Variants in SORCS1 observed in about 807,000 individuals in gnomAD.
SORCS1 encodes the protein VPS10 domain-containing receptor SorCS1.
In SORCS1, 60 loss-of-function variants were observed where a neutral mutation model predicts 146.1. The ratio of observed to expected loss-of-function variants is 0.41; its 90% CI spans 0.33 to 0.51. The LOEUF (loss-of-function observed/expected upper bound fraction) is 0.51, where lower values mean the gene tolerates loss of function less well. Ranked by LOEUF, SORCS1 falls within the 20% of genes least tolerant of loss-of-function variation. The pLI, the probability that SORCS1 is intolerant of heterozygous loss-of-function variation, is 0.21. For missense variants in SORCS1, 1,352 were observed against 1,487.6 expected (o/e 0.91, Z 1.50); for synonymous variants, 637 against 584.0 (o/e 1.09, Z -1.31).
chr10:106,997,431 C>T (rs912012929), intron 1 of SORCS1, among the ~76,000 whole-genome samples: 1 of 152,216 alleles, frequency 6.6e-6, no homozygotes, highest in African/African-American at 2.4e-5. Context: ...TCTTTGACAA[C>T]ATCTGGACTA....
intron 1 of SORCS1, among the ~76,000 whole-genome samples, chr10:107,066,815 T>C (rs1961912733): frequency 6.6e-6 from 1 of 152,290 alleles, no homozygotes; most frequent in South Asian, 2.1e-4. Context: ...AAAGGAGAAT[T>C]GACACTGTTG....
chr10:106,858,952 C>G (rs1213784297), intron 2 of SORCS1, among the ~76,000 whole-genome samples: 1 of 152,100 alleles, frequency 6.6e-6, no homozygotes, highest in Non-Finnish European at 1.5e-5. Flanking sequence ...ACTGCCATTC[C>G]TAGGGCAGGC....
At chr10:107,147,598 A>G (rs1196748929) in intron 1 of SORCS1, among the ~76,000 whole-genome samples, 2 of 152,196 alleles carry the variant, frequency 1.3e-5, no homozygotes, top group Admixed American at 1.3e-4. Context: ...CAACTCAGAC[A>G]GATTATACTT....
chr10:106,781,632 T>C (rs2152679), intron 3 of SORCS1, among the ~76,000 whole-genome samples: 7,152 of 152,248 alleles, frequency 0.047, 269 homozygotes, highest in East Asian at 0.11. Context: ...AAACCTCTGA[T>C]CTCAAAATTA....
Position 106,963,110 on chromosome 10 carries a change from A to ATTTTTTTTTTTTTTTT in SORCS1, c.559-6546_559-6531dup, listed in dbSNP as rs749174613. Among the ~76,000 whole-genome samples, 222 of 76,300 alleles carry ATTTTTTTTTTTTTTTT rather than the reference A, an allele frequency of 2.9e-3. 30 individuals are homozygous for ATTTTTTTTTTTTTTTT. Among genetic ancestry groups the ATTTTTTTTTTTTTTTT allele is most frequent in the East Asian group, 4.8e-3 (11 of 2,282 alleles). The allele number at this position is 76,300 out of a possible 152,430, so 50.1% of individuals were successfully genotyped here. ...AAGAGAGCAGTGTTCAATGGCCAGA[A>ATTTTTTTTTTTTTTTT]TTTTTTTTTTTTTTTTTTTTTTTTT... On this transcript the variant is annotated intron_variant, in intron 1 of 25. Coordinates refer to ENST00000263054, the MANE Select transcript of SORCS1 (RefSeq NM_052918.5).
chr10:107,070,325 G>A (rs1230484602), intron 1 of SORCS1, among the ~76,000 whole-genome samples: 2 of 152,096 alleles, frequency 1.3e-5, no homozygotes, highest in Non-Finnish European at 2.9e-5. Flanking sequence ...ATAGCTAGGA[G>A]TAAAATTATT....
intron 4 of SORCS1, among the ~76,000 whole-genome samples, chr10:106,774,078 A>T (rs532565864): frequency 2.9e-4 from 44 of 152,276 alleles, no homozygotes; most frequent in Admixed American, 2.6e-3. Flanking sequence ...AGATATTTAG[A>T]TCCTTGGCCT....
At chr10:106,963,548 A>G (rs1052906217) in intron 1 of SORCS1, among the ~76,000 whole-genome samples, 52 of 152,242 alleles carry the variant, frequency 3.4e-4, no homozygotes, top group African/African-American at 1.3e-3. Context: ...TGACTTTCCA[A>G]CTTAAACAGA....
chr10:107,098,990 C>G (rs1299136570), intron 1 of SORCS1, among the ~76,000 whole-genome samples: 1 of 152,328 alleles, frequency 6.6e-6, no homozygotes, highest in East Asian at 1.9e-4. Flanking sequence ...GCGTACAGTA[C>G]TGAATTAGTC....
chr10:106,744,299 G>A (rs747248455), intron 5 of SORCS1, among the ~76,000 whole-genome samples: 11 of 152,084 alleles, frequency 7.2e-5, no homozygotes, highest in Non-Finnish European at 1.3e-4. Flanking sequence ...TAGAGACGGG[G>A]TTTCACCGTG....
chr10:106,637,518 C>T (rs1848798518), intron 18 of SORCS1, among the ~76,000 whole-genome samples: 1 of 152,170 alleles, frequency 6.6e-6, no homozygotes, highest in Non-Finnish European at 1.5e-5. Flanking sequence ...GTGCAGACCT[C>T]CTGAGCTTCT....
chr10:106,692,804 G>A (rs991043362), intron 9 of SORCS1, among the ~76,000 whole-genome samples: 3 of 151,976 alleles, frequency 2.0e-5, no homozygotes, highest in African/African-American at 7.3e-5. Context: ...TATGTGATGG[G>A]TCACAGTCAA....
In SORCS1 at chr10:106,798,901, T is replaced by A. The variant is rs1398636089; in HGVS notation, c.727-22209A>T. On this transcript the variant is annotated intron_variant, in intron 3 of 25. Transcript: ENST00000263054. ...CTACTTTGAAGTTCATATGGAACCA[T>A]AAAAGAGCCCGCATTGCCAAGACAA... Among the ~76,000 whole-genome samples, 14 of 152,126 alleles carry A rather than the reference T, an allele frequency of 9.2e-5. No homozygotes were observed. In the East Asian group the frequency reaches 2.1e-3, roughly 23 times the overall value.
intron 2 of SORCS1, among the ~76,000 whole-genome samples, chr10:106,898,581 G>C (rs1951579037): frequency 6.6e-6 from 1 of 152,180 alleles, no homozygotes; most frequent in Admixed American, 6.5e-5. Context: ...TTTGCGTAGG[G>C]GGTCAGGGGT....
chr10:106,640,669 C>A (rs1443007028), intron 18 of SORCS1, among the ~76,000 whole-genome samples: 3 of 152,198 alleles, frequency 2.0e-5, no homozygotes, highest in Non-Finnish European at 4.4e-5. Flanking sequence ...CCTTCAGGTT[C>A]TTGCATTGGA....
At chr10:106,855,507 T>G (rs1176099273) in intron 2 of SORCS1, among the ~76,000 whole-genome samples, 1 of 152,180 alleles carries the variant, frequency 6.6e-6, no homozygotes, top group Non-Finnish European at 1.5e-5. Context: ...TCCCTTCTGT[T>G]ATTCCCACTA....
intron 1 of SORCS1, among the ~76,000 whole-genome samples, chr10:107,092,598 C>G (rs375637833): frequency 6.6e-6 from 1 of 152,138 alleles, no homozygotes; most frequent in African/African-American, 2.4e-5. Flanking sequence ...ACTGAGCTCC[C>G]ATTCAGGAAT....
chr10:106,588,287 C>T (rs112029451), intron 24 of SORCS1, among the ~76,000 whole-genome samples: 2,301 of 152,318 alleles, frequency 0.015, 66 homozygotes, highest in African/African-American at 0.051. Flanking sequence ...TTTGCCCATT[C>T]TGCCAATTAG....
chr10:106,810,040 G>A (rs1947381333), intron 3 of SORCS1, among the ~76,000 whole-genome samples: 1 of 152,150 alleles, frequency 6.6e-6, no homozygotes, highest in Admixed American at 6.5e-5. Context: ...GGCCAACATG[G>A]CAAAAGCCCG....
Sources: gnomAD v4.1 joint callset for allele counts (sites outside exome capture counted in the v4.1 genomes callset) on GRCh38, gnomAD v4.1.1 for gene constraint, MANE v1.5 for transcripts, NCBI Gene and HGNC (gene_info 2026-07-23, HGNC 2026-07-21) for gene names.